The following GALNT5 variants were observed in gnomAD, a reference collection of about 807,000 sequenced individuals.
GALNT5 encodes the protein UDP-GalNAc:polypeptide N-acetylgalactosaminyltransferase 5.
In GALNT5, 72 loss-of-function variants were observed where a neutral mutation model predicts 85.4. The observed-to-expected ratio is 0.84, with a 90% confidence interval of 0.70 to 1.03. The LOEUF is 1.03. Ranked by LOEUF, GALNT5 falls within the 50% of genes least tolerant of loss-of-function variation. The pLI, the probability that GALNT5 is intolerant of heterozygous loss-of-function variation, is 0.00. For missense variants in GALNT5, 1,137 were observed against 1,135.5 expected (o/e 1.00, Z -0.02); for synonymous variants, 404 against 397.0 (o/e 1.02, Z -0.21).
intron 1 of GALNT5, among the ~76,000 whole-genome samples, chr2:157,265,425 C>A (rs2105147669): frequency 6.6e-6 from 1 of 152,250 alleles, no homozygotes; most frequent in East Asian, 1.9e-4. Context: ...TAGTTTCTTT[C>A]TAAAAAGAAA....
intron 1 of GALNT5, among the ~76,000 whole-genome samples, chr2:157,279,888 C>T (rs181853006): frequency 1.3e-5 from 2 of 152,320 alleles, no homozygotes; most frequent in Non-Finnish European, 2.9e-5. Context: ...AGAAATAACC[C>T]GTCTTCTGTG....
At chr2:157,261,209 G>T (rs1476330812) in intron 1 of GALNT5, among the ~76,000 whole-genome samples, 1 of 152,040 alleles carries the variant, frequency 6.6e-6, no homozygotes, top group African/African-American at 2.4e-5. Flanking sequence ...AGGCTGCTAG[G>T]GAGTCTGGGG....
chr2:157,284,852 T>A (rs1682937149), intron 2 of GALNT5, among the ~76,000 whole-genome samples: 1 of 152,210 alleles, frequency 6.6e-6, no homozygotes, highest in Admixed American at 6.5e-5. Context: ...GAAATTAAGA[T>A]CTTATGGCTT....
intron 3 of GALNT5, among the ~76,000 whole-genome samples, chr2:157,290,027 C>T (rs1317359217): frequency 1.3e-5 from 2 of 149,792 alleles, no homozygotes; most frequent in Admixed American, 6.6e-5. Context: ...GAGCCAAGAT[C>T]ACACCACTGC....
intron 7 of GALNT5, among the ~76,000 whole-genome samples, chr2:157,304,467 AT>A (rs1453972825): frequency 6.6e-6 from 1 of 152,212 alleles, no homozygotes; most frequent in Admixed American, 6.5e-5. Flanking sequence ...TGGTGTAAAT[AT>A]TCATCTCAAA....
chr2:157,257,917 G>T lies in GALNT5; in HGVS notation c.-166G>T. ...CGCAGGCAGAGACTGACAAGCGGTA[G>T]GAACTGAGCTTTCCCCTTGGACTGC... On this transcript the variant is annotated 5_prime_UTR_variant, in exon 1 of 10. In the 5' UTR this introduces an upstream ATG that the reference lacks. Transcript: ENST00000259056. 1.5e-6 allele frequency: 1 copy of T among 676,202 alleles called. No homozygotes were observed. 41.9% of individuals were successfully genotyped at this position (676,202 alleles called of 1,614,324 possible).
At chr2:157,286,258 A>G (rs1241183222) in intron 3 of GALNT5, 124 bp downstream of exon 3, 1 of 712,408 alleles carries the variant, frequency 1.4e-6, no homozygotes, top group Admixed American at 2.8e-5. Context: ...TAGTTCCATC[A>G]ATTTTAAACA....
chr2:157,280,882 T>C (rs1682841297), intron 1 of GALNT5, among the ~76,000 whole-genome samples: 1 of 152,190 alleles, frequency 6.6e-6, no homozygotes, highest in Non-Finnish European at 1.5e-5. Context: ...TGTCTCTTGC[T>C]TGCTCTGTCA....
At chr2:157,277,655 T>C (rs1259125878) in intron 1 of GALNT5, among the ~76,000 whole-genome samples, 1 of 152,212 alleles carries the variant, frequency 6.6e-6, no homozygotes. Flanking sequence ...CTGTTCTTTT[T>C]TTGCTTTCCA....
intron 7 of GALNT5, 66 bp from the exon 8 acceptor site, chr2:157,305,681 AAT>A: frequency 1.1e-6 from 1 of 871,954 alleles, no homozygotes; most frequent in Non-Finnish European, 1.9e-6. Flanking sequence ...GTATTTTCTA[AAT>A]GTGTCTGAAT....
In GALNT5 at chr2:157,305,836, T is replaced by C. The variant is rs772142888; in HGVS notation, c.2520+7T>C. Reference sequence around the variant, plus strand: ...CTGCGATGGGAGCAAAGAGGTATGCTAAACTGTTTTCTATCTCATGGTAGC... The same window carrying C: ...CTGCGATGGGAGCAAAGAGGTATGCCAAACTGTTTTCTATCTCATGGTAGC... On this transcript the variant is annotated splice_region_variant and intron_variant, in intron 8 of 9. Transcript: ENST00000259056. 2.0e-6 allele frequency: 3 copies of C among 1,537,096 alleles called. No individual in the cohort carries two copies. The highest frequency in any genetic ancestry group is 1.7e-5 in the Admixed American group (1 of 59,778).
At chr2:157,272,700 A>T (rs1463268315) in intron 1 of GALNT5, among the ~76,000 whole-genome samples, 2 of 152,192 alleles carry the variant, frequency 1.3e-5, no homozygotes, top group Non-Finnish European at 2.9e-5. Flanking sequence ...GCTGCTAAGG[A>T]AATGATTTTG....
intron 9 of GALNT5, 49 bp downstream of exon 9, chr2:157,308,777 T>C (rs370527360): frequency 3.5e-5 from 51 of 1,459,022 alleles, no homozygotes; most frequent in Non-Finnish European, 4.7e-5. Context: ...TGACTTTTGA[T>C]CAAATAGGAC....
intron 8 of GALNT5, among the ~76,000 whole-genome samples, chr2:157,306,251 T>C (rs943036376): frequency 1.3e-5 from 2 of 152,166 alleles, no homozygotes; most frequent in African/African-American, 4.8e-5. Context: ...AAAAAATGCA[T>C]AACATAGATA....
intron 1 of GALNT5, among the ~76,000 whole-genome samples, chr2:157,278,160 T>C (rs765009686): frequency 6.6e-6 from 1 of 152,254 alleles, no homozygotes; most frequent in East Asian, 1.9e-4. Context: ...CTCACTCTCG[T>C]CTGGCTTGTA....
chr2:157,305,098 T>A (rs3817290), intron 7 of GALNT5, among the ~76,000 whole-genome samples: 1 of 152,148 alleles, frequency 6.6e-6, no homozygotes, highest in Non-Finnish European at 1.5e-5. Context: ...GAAATCAACA[T>A]TTTTCTGCAT....
At chr2:157,271,478 T>C (rs1682583404) in intron 1 of GALNT5, among the ~76,000 whole-genome samples, 1 of 152,140 alleles carries the variant, frequency 6.6e-6, no homozygotes, top group Admixed American at 6.5e-5. Context: ...CCAGCAATAA[T>C]CCTGGAGAAA....
chr2:157,281,398 G>A (rs1682851302), intron 1 of GALNT5, among the ~76,000 whole-genome samples: 1 of 152,130 alleles, frequency 6.6e-6, no homozygotes, highest in Non-Finnish European at 1.5e-5. Context: ...AATACACCAA[G>A]GAATTCGCTA....
chr2:157,301,092 A>G, intron 7 of GALNT5, 93 bp downstream of exon 7: 2 of 855,766 alleles, frequency 2.3e-6, no homozygotes, highest in East Asian at 2.5e-5. Flanking sequence ...TAATTACATT[A>G]TAAATAAACA....
Sources: gnomAD v4.1 joint callset for allele counts (sites outside exome capture counted in the v4.1 genomes callset) on GRCh38, gnomAD v4.1.1 for gene constraint, MANE v1.5 for transcripts, NCBI Gene and HGNC (gene_info 2026-07-23, HGNC 2026-07-21) for gene names.